The following PRKN variants were observed in gnomAD, a reference collection of about 807,000 sequenced individuals.
PRKN encodes parkin RBR E3 ubiquitin protein ligase.
PRKN carries 56 observed loss-of-function variants against 59.5 expected under a neutral mutation model. That is an observed-to-expected ratio of 0.94 (90% CI 0.76 to 1.18). The LOEUF (loss-of-function observed/expected upper bound fraction) is 1.18. Among genes scored for constraint, PRKN ranks in the 50% most tolerant of loss-of-function variants. PRKN has a pLI of 0.00. For missense variants in PRKN, 657 were observed against 596.4 expected, an observed-to-expected ratio of 1.10 and a Z score of -1.06; for synonymous variants, 250 against 222.1, an observed-to-expected ratio of 1.13 and a Z score of -1.12.
intron 6 of PRKN, among the ~76,000 whole-genome samples, chr6:161,885,135 T>TAAA (rs66612910): frequency 2.3e-3 from 284 of 121,772 alleles, no homozygotes; most frequent in African/African-American, 7.5e-3. Flanking sequence ...GAAGAAAAAC[T>TAAA]AAAAAAAAAA....
At chr6:162,233,025 G>A (rs188737010) in intron 3 of PRKN, among the ~76,000 whole-genome samples, 1 of 152,202 alleles carries the variant, frequency 6.6e-6, no homozygotes, top group East Asian at 1.9e-4. Context: ...ATCACCATGA[G>A]CACTAATGAA....
intron 2 of PRKN, among the ~76,000 whole-genome samples, chr6:162,428,378 C>A (rs1234625182): frequency 6.6e-6 from 1 of 152,146 alleles, no homozygotes; most frequent in East Asian, 1.9e-4. Context: ...AGGTATCAAA[C>A]ACTGAGGCTC....
intron 2 of PRKN, among the ~76,000 whole-genome samples, chr6:162,362,047 G>T (rs994321425): frequency 6.6e-6 from 1 of 152,204 alleles, no homozygotes; most frequent in African/African-American, 2.4e-5. Flanking sequence ...CACCGTGTGT[G>T]TTAAATGTTT....
chr6:162,049,825 G>A (rs1275710247), intron 5 of PRKN, among the ~76,000 whole-genome samples: 1 of 152,022 alleles, frequency 6.6e-6, no homozygotes, highest in East Asian at 1.9e-4. Flanking sequence ...TCCAGTTGCC[G>A]AGTGACTCTC....
chr6:161,895,740 C>T (rs923439722), intron 6 of PRKN, among the ~76,000 whole-genome samples: 2 of 151,658 alleles, frequency 1.3e-5, no homozygotes, highest in African/African-American at 4.8e-5. Context: ...TGCCGTTATG[C>T]TCTTTTTCAC....
chr6:161,435,044 C>A (rs1048695092), intron 9 of PRKN, among the ~76,000 whole-genome samples: 1 of 152,108 alleles, frequency 6.6e-6, no homozygotes, highest in African/African-American at 2.4e-5. Flanking sequence ...AGAAATGTAA[C>A]CTTTGGCCAA....
At chr6:162,530,013 C>T (rs1217657489) in intron 1 of PRKN, among the ~76,000 whole-genome samples, 1 of 151,898 alleles carries the variant, frequency 6.6e-6, no homozygotes, top group East Asian at 1.9e-4. Flanking sequence ...GTCTGTAATC[C>T]CAGCTACTCA....
chr6:162,504,344 G>C (rs111874950), intron 1 of PRKN, among the ~76,000 whole-genome samples: 3 of 152,178 alleles, frequency 2.0e-5, no homozygotes, highest in African/African-American at 7.2e-5. Flanking sequence ...AGACACACTT[G>C]GAAAAGGGGT....
chr6:161,796,352 T>C (rs1790849082), intron 6 of PRKN, among the ~76,000 whole-genome samples: 1 of 152,124 alleles, frequency 6.6e-6, no homozygotes, highest in South Asian at 2.1e-4. Context: ...TTAACTTCTG[T>C]TCTTTTTAAA....
At chr6:162,285,334 CACCATGGGTAGT>C (rs1466208120) in intron 2 of PRKN, among the ~76,000 whole-genome samples, 2 of 139,904 alleles carry the variant, frequency 1.4e-5, no homozygotes, top group Non-Finnish European at 3.0e-5. Flanking sequence ...AACATCTGGG[CACCATGGGTAGT>C]ACCTCCTTTA....
intron 1 of PRKN, among the ~76,000 whole-genome samples, chr6:162,636,685 C>T (rs1777725831): frequency 6.6e-6 from 1 of 152,094 alleles, no homozygotes; most frequent in Non-Finnish European, 1.5e-5. Context: ...GAAATAAACA[C>T]CCATAAAGAA....
At chr6:162,450,510 C>G (rs961913138) in intron 1 of PRKN, among the ~76,000 whole-genome samples, 1 of 151,796 alleles carries the variant, frequency 6.6e-6, no homozygotes, top group African/African-American at 2.4e-5. Flanking sequence ...CTACCGCAGC[C>G]AGGTGATCAA....
In PRKN at chr6:161,428,669, A is replaced by T. The variant is rs1788505222; in HGVS notation, c.1084-41792T>A. Among the ~76,000 whole-genome samples, 1 of 152,230 alleles carries T rather than the reference A, an allele frequency of 6.6e-6. No individual in the cohort carries two copies. Among genetic ancestry groups the T allele is most frequent in the South Asian group, 2.1e-4 (1 of 4,836 alleles). ...ACTGCTACTGTCTTGCTAAAGAATCAGCAATTCACACATATAATAAAGCTC... is the reference window on the plus strand; with the variant it reads ...ACTGCTACTGTCTTGCTAAAGAATCTGCAATTCACACATATAATAAAGCTC... On this transcript the variant is annotated intron_variant, in intron 9 of 11. Coordinates refer to ENST00000366898, the MANE Select transcript of PRKN (RefSeq NM_004562.3). The surrounding 1 kb of genome is among the most constrained non-coding windows in gnomAD (Gnocchi z 4.0).
intron 2 of PRKN, among the ~76,000 whole-genome samples, chr6:162,440,564 C>G (rs1420323262): frequency 6.6e-6 from 1 of 152,124 alleles, no homozygotes; most frequent in Non-Finnish European, 1.5e-5. Context: ...TTCTTTTATA[C>G]TCACAATATC....
intron 2 of PRKN, among the ~76,000 whole-genome samples, chr6:162,323,906 CAT>C (rs1453171058): frequency 1.3e-5 from 2 of 152,060 alleles, no homozygotes; most frequent in Admixed American, 6.6e-5. Flanking sequence ...GAAATGAAAG[CAT>C]ATGTCTATTC....
intron 9 of PRKN, among the ~76,000 whole-genome samples, chr6:161,420,658 C>T (rs911025947): frequency 7.9e-5 from 12 of 152,018 alleles, no homozygotes; most frequent in East Asian, 1.9e-4. Context: ...CACAGGCACG[C>T]GCCACCATGC....
At chr6:161,829,605 C>T (rs566535498) in intron 6 of PRKN, among the ~76,000 whole-genome samples, 11 of 152,188 alleles carry the variant, frequency 7.2e-5, no homozygotes, top group South Asian at 2.1e-4. Context: ...TGGATACTAA[C>T]GCTCAGGAAG....
At chr6:162,208,661 T>C (rs1258031692) in intron 3 of PRKN, among the ~76,000 whole-genome samples, 1 of 152,166 alleles carries the variant, frequency 6.6e-6, no homozygotes, top group African/African-American at 2.4e-5. Flanking sequence ...GTAAATGTAG[T>C]TGCTTTTTCT....
At chr6:161,586,622 A>C (rs576116491) in intron 7 of PRKN, among the ~76,000 whole-genome samples, 1 of 152,244 alleles carries the variant, frequency 6.6e-6, no homozygotes, top group South Asian at 2.1e-4. Context: ...ATTCTCTTTC[A>C]TGTGTCCATG....
Sources: allele counts gnomAD v4.1 joint callset (sites outside exome capture counted in the v4.1 genomes callset), GRCh38; gene constraint gnomAD v4.1.1; non-coding constraint Gnocchi (gnomAD v3.1); transcripts MANE v1.5; gene names NCBI Gene and HGNC (gene_info 2026-07-23, HGNC 2026-07-21).